Variants in PKIG observed in about 807,000 individuals in gnomAD.
PKIG encodes protein kinase (cAMP-dependent, catalytic) inhibitor gamma.
Under a neutral mutation model 6.8 loss-of-function variants are expected in PKIG, and 1 was observed. The ratio of observed to expected loss-of-function variants is 0.15; its 90% CI spans 0.05 to 0.69. The LOEUF (loss-of-function observed/expected upper bound fraction) is 0.69, where lower values mean the gene tolerates loss of function less well. PKIG is among the 30% of genes least tolerant of loss of function. PKIG has a pLI of 0.82. For synonymous variants in PKIG, 39 were observed against 43.0 expected, an observed-to-expected ratio of 0.91 and a Z score of 0.36; for missense variants, 77 against 104.0, an observed-to-expected ratio of 0.74 and a Z score of 1.13.
chr20:44,570,999 C>A (rs964238821), intron 1 of PKIG, among the ~76,000 whole-genome samples: 1 of 151,942 alleles, frequency 6.6e-6, no homozygotes, highest in African/African-American at 2.4e-5. Flanking sequence ...TTTGGGAGGC[C>A]GAGGCGAGTG....
chr20:44,595,618 A>G lies in PKIG; in HGVS notation c.-24+5752A>G, dbSNP rs537273976. On this transcript the variant is annotated intron_variant, in intron 2 of 3. Transcript: ENST00000372886. ...AACCTCCGCCTCCTGGGTTCAAGCA[A>G]TTCTTCTGTCTCAGCCTCCTGAGTA... 4.6e-5 allele frequency among the ~76,000 whole-genome samples: 7 copies of G among 152,236 alleles called. No individual in the cohort carries two copies. The South Asian group carries it at 1.2e-3, about 27-fold the overall frequency.
rs549661322 is a variant in PKIG, at chr20:44,592,263, C to T, written c.-24+2397C>T. Among the ~76,000 whole-genome samples, 5 of 152,262 alleles carry T rather than the reference C, an allele frequency of 3.3e-5. No individual in the cohort carries two copies. The East Asian group carries it at 5.8e-4, about 18-fold the overall frequency. ...AGGAGAAGGGCCGGAGTCTGGAGTT[C>T]GTGCTCTCTGACTTCTGTGGGTAGC... On this transcript the variant is annotated intron_variant, in intron 2 of 3. Transcript: ENST00000372886.
chr20:44,592,135 T>C (rs1308161205), intron 2 of PKIG, among the ~76,000 whole-genome samples: 2 of 152,182 alleles, frequency 1.3e-5, no homozygotes, highest in Non-Finnish European at 2.9e-5. Flanking sequence ...CCTCATTTAG[T>C]TTGATCTTAT....
intron 1 of PKIG, among the ~76,000 whole-genome samples, chr20:44,545,311 G>A (rs1017831622): frequency 6.4e-4 from 97 of 151,982 alleles, no homozygotes; most frequent in African/African-American, 2.2e-3. Context: ...AACTGGGTTT[G>A]TTCCCCAGCC....
At chr20:44,610,500 T>TCTCTCACACACACACACACA (rs1555841182) in intron 2 of PKIG, among the ~76,000 whole-genome samples, 15 of 135,418 alleles carry the variant, frequency 1.1e-4, no homozygotes, top group African/African-American at 4.5e-4. Context: ...TCTCTCTCTC[T>TCTCTCACACACACACACACA]CACACACACA....
intron 2 of PKIG, among the ~76,000 whole-genome samples, chr20:44,608,594 G>C (rs1361076063): frequency 3.3e-5 from 5 of 152,122 alleles, no homozygotes; most frequent in African/African-American, 1.2e-4. Flanking sequence ...CTTGAGCCCA[G>C]GAGTTTGAGA....
chr20:44,567,201 G>A (rs189463843), intron 1 of PKIG, among the ~76,000 whole-genome samples: 6 of 152,304 alleles, frequency 3.9e-5, no homozygotes, highest in African/African-American at 1.4e-4. Flanking sequence ...GCTGGGGAAA[G>A]CCATCTAACT....
At chr20:44,566,105 A>G (rs151231492) in intron 1 of PKIG, among the ~76,000 whole-genome samples, 138 of 152,318 alleles carry the variant, frequency 9.1e-4, no homozygotes, top group African/African-American at 3.2e-3. Flanking sequence ...GCATGCCACT[A>G]ACTACCCGCA....
intron 1 of PKIG, among the ~76,000 whole-genome samples, chr20:44,561,883 A>G (rs979738119): frequency 2.6e-5 from 4 of 152,276 alleles, no homozygotes; most frequent in Admixed American, 2.6e-4. Context: ...TGCAGATTCA[A>G]AAGTGTATAG....
chr20:44,602,466 C>G (rs1305304162), intron 2 of PKIG, among the ~76,000 whole-genome samples: 1 of 152,056 alleles, frequency 6.6e-6, no homozygotes, highest in South Asian at 2.1e-4. Context: ...CAGTATATAC[C>G]CTATGCCCGG....
At chr20:44,574,052 T>G (rs1304337102) in intron 1 of PKIG, among the ~76,000 whole-genome samples, 1 of 152,252 alleles carries the variant, frequency 6.6e-6, no homozygotes, top group Non-Finnish European at 1.5e-5. Flanking sequence ...ATTTTATTTT[T>G]CTGCTTTTAC....
intron 2 of PKIG, among the ~76,000 whole-genome samples, chr20:44,604,368 G>A (rs1157264668): frequency 6.6e-6 from 1 of 152,206 alleles, no homozygotes; most frequent in Admixed American, 6.5e-5. Flanking sequence ...ATATCCTCCG[G>A]GAGGATTCAT....
chr20:44,565,849 G>A (rs1298312805), intron 1 of PKIG, among the ~76,000 whole-genome samples: 1 of 152,088 alleles, frequency 6.6e-6, no homozygotes, highest in Non-Finnish European at 1.5e-5. Context: ...TACAACCTCC[G>A]CCTCCCGGGT....
intron 3 of PKIG, among the ~76,000 whole-genome samples, chr20:44,615,100 C>A (rs1321758608): frequency 6.6e-6 from 1 of 152,156 alleles, no homozygotes; most frequent in East Asian, 1.9e-4. Context: ...AGCCAGCAGA[C>A]CCCATTTAAA....
At chr20:44,610,186 A>G (rs2065201836) in intron 2 of PKIG, among the ~76,000 whole-genome samples, 1 of 152,068 alleles carries the variant, frequency 6.6e-6, no homozygotes, top group Non-Finnish European at 1.5e-5. Context: ...AGCCGGGGGG[A>G]ATTGCCGTGG....
At chr20:44,560,307 C>T (rs1197747522) in intron 1 of PKIG, among the ~76,000 whole-genome samples, 1 of 152,040 alleles carries the variant, frequency 6.6e-6, no homozygotes, top group Non-Finnish European at 1.5e-5. Context: ...TATTGTAATT[C>T]ATGCTTAGAA....
intron 1 of PKIG, among the ~76,000 whole-genome samples, chr20:44,548,056 G>A (rs1469985580): frequency 6.6e-6 from 1 of 152,102 alleles, no homozygotes; most frequent in Non-Finnish European, 1.5e-5. Flanking sequence ...TTGTGCACCT[G>A]TAATCCCAGC....
chr20:44,617,385 C>G (rs2065275090), intron 3 of PKIG, among the ~76,000 whole-genome samples: 2 of 152,222 alleles, frequency 1.3e-5, no homozygotes, highest in Admixed American at 6.5e-5. Flanking sequence ...TGAAAAGACA[C>G]CTGTTTATCA....
intron 1 of PKIG, among the ~76,000 whole-genome samples, chr20:44,561,465 A>C (rs184062128): frequency 6.6e-6 from 1 of 152,388 alleles, no homozygotes; most frequent in East Asian, 1.9e-4. Flanking sequence ...TTTAAAGTAG[A>C]TTACCTAGCA....
Sources: gnomAD v4.1 joint callset for allele counts (sites outside exome capture counted in the v4.1 genomes callset) on GRCh38, gnomAD v4.1.1 for gene constraint, MANE v1.5 for transcripts, NCBI Gene and HGNC (gene_info 2026-07-23, HGNC 2026-07-21) for gene names.